KCNMA1: variants seen among roughly 807,000 people sequenced by gnomAD.
The protein encoded by KCNMA1 is Calcium-activated potassium channel subunit alpha-1.
KCNMA1 carries 29 observed loss-of-function variants against 140.0 expected under a neutral mutation model. That is an observed-to-expected ratio of 0.21 (90% CI 0.15 to 0.28). The LOEUF (loss-of-function observed/expected upper bound fraction) is 0.28, where lower values mean the gene tolerates loss of function less well. Among genes scored for constraint, KCNMA1 ranks in the 10% least tolerant of loss-of-function variants. KCNMA1 has a pLI of 1.00. For missense variants in KCNMA1, 880 were observed against 1,602.2 expected (o/e 0.55, Z 7.70); for synonymous variants, 612 against 611.9 (o/e 1.00, Z 0.00).
intron 23 of KCNMA1, among the ~76,000 whole-genome samples, chr10:76,943,119 C>T (rs957025284): frequency 3.3e-5 from 5 of 152,170 alleles, no homozygotes; most frequent in African/African-American, 1.2e-4. Flanking sequence ...TGCCGGCTTG[C>T]CTCTTTCAAC....
At chr10:76,945,757 G>GA (rs535176669) in intron 22 of KCNMA1, among the ~76,000 whole-genome samples, 1 of 145,558 alleles carries the variant, frequency 6.9e-6, no homozygotes, top group African/African-American at 2.5e-5. Flanking sequence ...AGGGGGAAGT[G>GA]AAAAAAAAAG....
At chr10:77,213,632 TC>T (rs998966269) in intron 3 of KCNMA1, among the ~76,000 whole-genome samples, 8 of 152,134 alleles carry the variant, frequency 5.3e-5, no homozygotes, top group African/African-American at 1.9e-4. Context: ...CAGTCTGCCC[TC>T]TCCACCCCAA....
intron 1 of KCNMA1, among the ~76,000 whole-genome samples, chr10:77,520,066 G>GTCTGGA: frequency 6.6e-6 from 1 of 150,666 alleles, no homozygotes; most frequent in Non-Finnish European, 1.5e-5. Flanking sequence ...GCAGTGTGAG[G>GTCTGGA]GTGTGCAGTG....
chr10:77,080,509 G>A (rs981060372), intron 12 of KCNMA1, among the ~76,000 whole-genome samples: 1 of 152,122 alleles, frequency 6.6e-6, no homozygotes, highest in Non-Finnish European at 1.5e-5. Context: ...TGCAGACACT[G>A]GGCCAGGTTA....
intron 1 of KCNMA1, among the ~76,000 whole-genome samples, chr10:77,561,898 T>C (rs368988866): frequency 6.7e-4 from 102 of 152,306 alleles, no homozygotes; most frequent in African/African-American, 2.3e-3. Flanking sequence ...AAGACAGTGC[T>C]AAAGCTCTTA....
chr10:77,636,187 T>C (rs1603639255), intron 1 of KCNMA1: 2 of 1,423,342 alleles, frequency 1.4e-6, no homozygotes, highest in East Asian at 2.5e-5. Flanking sequence ...AGAAGGCAGC[T>C]GGCTCACTCT....
intron 9 of KCNMA1, among the ~76,000 whole-genome samples, chr10:77,099,670 C>T (rs548452524): frequency 5.1e-4 from 76 of 150,082 alleles, no homozygotes; most frequent in Non-Finnish European, 8.9e-4. Flanking sequence ...GCCAAGATTG[C>T]GCCATTGCAC....
intron 14 of KCNMA1, among the ~76,000 whole-genome samples, chr10:77,065,104 C>T (rs886376412): frequency 1.6e-4 from 24 of 152,284 alleles, no homozygotes; most frequent in Middle Eastern, 3.4e-3. Flanking sequence ...TGAGGCCAAC[C>T]GATGCATTCA....
chr10:76,891,783 G>A (rs576560266), intron 25 of KCNMA1, 64 bp from the exon 26 acceptor site: 95 of 1,359,604 alleles, frequency 7.0e-5, no homozygotes, highest in African/African-American at 6.0e-4. Flanking sequence ...CATGACAGCC[G>A]ACATCCAAAT....
intron 25 of KCNMA1, among the ~76,000 whole-genome samples, chr10:76,895,475 A>C (rs1293479196): frequency 6.6e-6 from 1 of 152,222 alleles, no homozygotes; most frequent in Non-Finnish European, 1.5e-5. Flanking sequence ...GTCCATATGA[A>C]AACGTGTACA....
At chr10:76,938,036 C>T (rs1012873707) in intron 23 of KCNMA1, among the ~76,000 whole-genome samples, 2 of 151,972 alleles carry the variant, frequency 1.3e-5, no homozygotes, top group African/African-American at 4.8e-5. Context: ...CTGGGACATT[C>T]GGGACAGGCT....
intron 1 of KCNMA1, among the ~76,000 whole-genome samples, chr10:77,464,773 G>C (rs1026816026): frequency 1.3e-5 from 2 of 152,156 alleles, no homozygotes; most frequent in Admixed American, 6.5e-5. Context: ...ACTGGTGTGA[G>C]GACAGGAAGG....
chr10:76,924,574 C>T (rs930141814), intron 23 of KCNMA1, among the ~76,000 whole-genome samples: 4 of 152,136 alleles, frequency 2.6e-5, no homozygotes, highest in Non-Finnish European at 5.9e-5. Context: ...TTGAGAGCAG[C>T]TGATGAACAT....
rs569476982 is a variant in KCNMA1 at position 77,367,536 on chromosome 10, C to T, written c.540+36326G>A. Among the ~76,000 whole-genome samples the T allele has an allele frequency of 1.3e-3, 194 of 152,224 alleles. 1 individual carries two copies. The highest frequency in any genetic ancestry group is 2.3e-3 in the Non-Finnish European group (156 of 68,018). On this transcript the variant is annotated intron_variant, in intron 2 of 27. Transcript: ENST00000286628. ...GCTAAACCTCTTGAATAAGAATCTG[C>T]ACTTTTCAAAAGTTTCATTTTCTAA...
chr10:76,946,625 G>A (rs575882563), intron 22 of KCNMA1, among the ~76,000 whole-genome samples: 2 of 152,338 alleles, frequency 1.3e-5, no homozygotes, highest in African/African-American at 4.8e-5. Context: ...GTCTTTTTGA[G>A]AGAAGGAGAA....
intron 6 of KCNMA1, among the ~76,000 whole-genome samples, chr10:77,119,563 G>C (rs2097551610): frequency 6.6e-6 from 1 of 152,144 alleles, no homozygotes; most frequent in Non-Finnish European, 1.5e-5. Context: ...CGAGATGCTA[G>C]CTTCATTGAT....
chr10:77,075,682 T>C (rs2096372338), intron 13 of KCNMA1, among the ~76,000 whole-genome samples: 1 of 152,210 alleles, frequency 6.6e-6, no homozygotes, highest in Admixed American at 6.5e-5. Context: ...TTGTTCCTTA[T>C]CTCAGGGTTC....
At chr10:77,246,885 G>A (rs1447287534) in intron 3 of KCNMA1, among the ~76,000 whole-genome samples, 1 of 152,110 alleles carries the variant, frequency 6.6e-6, no homozygotes, top group Non-Finnish European at 1.5e-5. Flanking sequence ...CCTTCCTAAC[G>A]TCCATATCCC....
At position 77,023,801 on chromosome 10, in the gene KCNMA1, A is replaced by G. The variant is rs901117013; in HGVS notation, c.1928+4022T>C. Among the ~76,000 whole-genome samples, 4 of 152,232 alleles carry G rather than the reference A, an allele frequency of 2.6e-5. No homozygotes were observed. The East Asian group carries it at 7.7e-4, about 29-fold the overall frequency. On this transcript the variant is annotated intron_variant, in intron 16 of 27. Transcript: ENST00000286628. ...CATGCTGCTGCTGGAGTCCCACACA[A>G]CTAGACACACACACTTTTACTTTAG...
Sources: allele counts gnomAD v4.1 joint callset (sites outside exome capture counted in the v4.1 genomes callset), GRCh38; gene constraint gnomAD v4.1.1; transcripts MANE v1.5; gene names NCBI Gene and HGNC (gene_info 2026-07-23, HGNC 2026-07-21).